MICAL3: variants seen among roughly 807,000 people sequenced by gnomAD.
MICAL3 encodes microtubule associated monooxygenase, calponin and LIM domain containing 3.
MICAL3 carries 62 observed loss-of-function variants against 207.4 expected under a neutral mutation model. The observed-to-expected ratio is 0.30, with a 90% CI of 0.24 to 0.37. The LOEUF (loss-of-function observed/expected upper bound fraction) is 0.37, where lower values mean the gene tolerates loss of function less well. MICAL3 is among the 10% of genes least tolerant of loss of function. MICAL3 has a pLI of 1.00. For synonymous variants in MICAL3, 1,077 were observed against 1,069.3 expected, an observed-to-expected ratio of 1.01 and a Z score of -0.14; for missense variants, 2,368 against 2,635.6, an observed-to-expected ratio of 0.90 and a Z score of 2.22.
chr22:17,872,959 C>T, intron 16 of MICAL3: 1 of 756,460 alleles, frequency 1.3e-6, no homozygotes, highest in Non-Finnish European at 2.3e-6. Flanking sequence ...TTGGGAAGTG[C>T]AATTTGAATA....
intron 1 of MICAL3, among the ~76,000 whole-genome samples, chr22:17,992,605 C>A (rs568701220): frequency 1.3e-5 from 2 of 152,188 alleles, no homozygotes; most frequent in East Asian, 1.9e-4. Context: ...AAGTAGGAAT[C>A]CCCCCTGCTC....
chr22:17,994,148 C>G (rs1360930978), intron 1 of MICAL3, among the ~76,000 whole-genome samples: 1 of 152,220 alleles, frequency 6.6e-6, no homozygotes, highest in Non-Finnish European at 1.5e-5. Flanking sequence ...TGCTGCTCTC[C>G]CACCCCTGTC....
At chr22:17,812,323 G>A (rs1190563372) in intron 27 of MICAL3, among the ~76,000 whole-genome samples, 1 of 152,362 alleles carries the variant, frequency 6.6e-6, no homozygotes, top group East Asian at 1.9e-4. Context: ...TGAGGAGCAG[G>A]TGTCTCATCC....
At chr22:17,835,127 G>A (rs1299174571) in intron 20 of MICAL3, among the ~76,000 whole-genome samples, 1 of 152,242 alleles carries the variant, frequency 6.6e-6, no homozygotes, top group Admixed American at 6.5e-5. Flanking sequence ...AGGCCAGCGA[G>A]GCCAGCCCAC....
chr22:17,940,529 G>C (rs9605442), intron 1 of MICAL3, among the ~76,000 whole-genome samples: 8,957 of 152,278 alleles, frequency 0.059, 391 homozygotes, highest in African/African-American at 0.13. Context: ...AAAGGGAACA[G>C]TGAAGGACTA....
At chr22:17,808,085 G>A (rs1214183562) in intron 29 of MICAL3, among the ~76,000 whole-genome samples, 1 of 152,262 alleles carries the variant, frequency 6.6e-6, no homozygotes, top group Non-Finnish European at 1.5e-5. Flanking sequence ...GGGCCGTGGG[G>A]CCAGAGATGC....
intron 1 of MICAL3, among the ~76,000 whole-genome samples, chr22:17,958,871 T>C (rs1934758884): frequency 1.3e-5 from 2 of 151,324 alleles, no homozygotes; most frequent in South Asian, 4.2e-4. Context: ...ACCCAGCTAA[T>C]TTTTTTGTAT....
intron 1 of MICAL3, among the ~76,000 whole-genome samples, chr22:17,977,556 C>T (rs1340433446): frequency 6.6e-6 from 1 of 150,542 alleles, no homozygotes; most frequent in East Asian, 1.9e-4. Context: ...AAAAGACAGA[C>T]AATAACAAGT....
chr22:18,011,556 G>A (rs1431471837), intron 1 of MICAL3, among the ~76,000 whole-genome samples: 1 of 145,172 alleles, frequency 6.9e-6, no homozygotes. Context: ...CAACAAGAGT[G>A]AGACTCCGTC....
At chr22:17,877,507 AGGTTAGGGAGGTTAG>A in intron 16 of MICAL3, among the ~76,000 whole-genome samples, 1 of 120,576 alleles carries the variant, frequency 8.3e-6, no homozygotes, top group Non-Finnish European at 1.7e-5. Context: ...GAGGTTATGG[AGGTTAGGGAGGTTAG>A]GGAGGTGAGG....
intron 1 of MICAL3, among the ~76,000 whole-genome samples, chr22:17,965,757 C>A (rs1935116998): frequency 6.6e-6 from 1 of 152,134 alleles, no homozygotes; most frequent in Admixed American, 6.5e-5. Flanking sequence ...CAGAAACCAC[C>A]CTGTAAGTAG....
chr22:17,849,122 G>C (rs1341653867), intron 19 of MICAL3, among the ~76,000 whole-genome samples: 2 of 152,230 alleles, frequency 1.3e-5, no homozygotes, highest in African/African-American at 4.8e-5. Context: ...CAGGCGATGA[G>C]GGATAAGCAG....
chr22:18,001,091 G>A (rs1922941432), intron 1 of MICAL3: 1 of 152,244 alleles, frequency 6.6e-6, no homozygotes, highest in South Asian at 2.1e-4. Context: ...CGGCGCACCT[G>A]GCCACGCATC....
chr22:17,953,704 G>C (rs944748004), intron 1 of MICAL3, among the ~76,000 whole-genome samples: 2 of 152,086 alleles, frequency 1.3e-5, no homozygotes, highest in African/African-American at 4.8e-5. Context: ...GCCTAGGTGG[G>C]CAGATCACCT....
At chr22:17,861,182 T>C in intron 19 of MICAL3, 2 of 985,366 alleles carry the variant, frequency 2.0e-6, no homozygotes, top group South Asian at 4.7e-5. Flanking sequence ...GTGGGAACCC[T>C]AGGGTTGAAT....
intron 2 of MICAL3, 30 bp from the exon 3 acceptor site, chr22:17,904,869 C>G: frequency 1.3e-6 from 2 of 1,511,100 alleles, no homozygotes; most frequent in Non-Finnish European, 1.8e-6. Context: ...TCAGGGCAGG[C>G]GGCACTTCCA....
At chr22:17,962,599 C>G (rs1347357046) in intron 1 of MICAL3, among the ~76,000 whole-genome samples, 2 of 149,238 alleles carry the variant, frequency 1.3e-5, no homozygotes, top group African/African-American at 4.9e-5. Flanking sequence ...TGGGTTAGAA[C>G]TGCAGCAGTG....
intron 1 of MICAL3, among the ~76,000 whole-genome samples, chr22:17,969,628 G>T (rs1262649723): frequency 2.0e-5 from 3 of 152,162 alleles, no homozygotes; most frequent in Non-Finnish European, 2.9e-5. Context: ...TCTGTGAGGA[G>T]GTGAGGCAGG....
At chr22:17,798,980 T>G (rs1357334683) in intron 29 of MICAL3, among the ~76,000 whole-genome samples, 1 of 152,074 alleles carries the variant, frequency 6.6e-6, no homozygotes, top group African/African-American at 2.4e-5. Flanking sequence ...GCCAGAGCAA[T>G]GCCTTTTTAT....
Sources: gnomAD v4.1 joint callset for allele counts (sites outside exome capture counted in the v4.1 genomes callset) on GRCh38, gnomAD v4.1.1 for gene constraint, MANE v1.5 for transcripts, NCBI Gene and HGNC (gene_info 2026-07-23, HGNC 2026-07-21) for gene names.